The following XRRA1 variants were observed in gnomAD, a reference collection of about 807,000 sequenced individuals.
XRRA1 encodes the protein X-ray radiation resistance associated 1.
A neutral mutation model predicts 80.2 loss-of-function variants in XRRA1; 69 were observed. The observed-to-expected ratio is 0.86, with a 90% CI of 0.71 to 1.05. The LOEUF (loss-of-function observed/expected upper bound fraction) is 1.05, where lower values mean the gene tolerates loss of function less well. Ranked by LOEUF, XRRA1 falls within the 50% of genes least tolerant of loss-of-function variation. The pLI, the probability that XRRA1 is intolerant of heterozygous loss-of-function variation, is 0.00. For synonymous variants in XRRA1, 348 were observed against 389.9 expected (o/e 0.89, Z 1.27); for missense variants, 967 against 976.4 (o/e 0.99, Z 0.13).
rs573557922 is a variant in XRRA1, at chr11:74,887,536, T to TA, written c.1003+18702dup. Among the ~76,000 whole-genome samples the TA allele has an allele frequency of 3.8e-4, 58 of 152,238 alleles. No individual in the cohort carries two copies. The East Asian group carries it at 8.5e-3, about 22-fold the overall frequency. On this transcript the variant is annotated intron_variant, in intron 10 of 18. Transcript: ENST00000684022. ...GTGATTTCTGCATTTCCAACTGAGG[T>TA]ACGGGGTTCATCTCACTGGGGAGTG...
At chr11:74,947,569 G>C (rs1947844116) in intron 1 of XRRA1, among the ~76,000 whole-genome samples, 1 of 151,868 alleles carries the variant, frequency 6.6e-6, no homozygotes. Flanking sequence ...AAAGTGACTA[G>C]GGCAATGCTG....
At chr11:74,892,220 G>C (rs1357064440) in intron 10 of XRRA1, among the ~76,000 whole-genome samples, 1 of 151,950 alleles carries the variant, frequency 6.6e-6, no homozygotes, top group Non-Finnish European at 1.5e-5. Context: ...TAGACCAATG[G>C]AACAGAACAG....
chr11:74,893,000 A>G (rs1463243274), intron 10 of XRRA1, among the ~76,000 whole-genome samples: 3 of 152,346 alleles, frequency 2.0e-5, no homozygotes, highest in African/African-American at 7.2e-5. Flanking sequence ...CAGTGTGGCA[A>G]TTCCTCAGGG....
chr11:74,878,510 T>C (rs1388119977), intron 10 of XRRA1, among the ~76,000 whole-genome samples: 1 of 152,326 alleles, frequency 6.6e-6, no homozygotes, highest in Admixed American at 6.5e-5. Context: ...GCCATTGCTT[T>C]TGGTGTTTTA....
chr11:74,900,087 C>T (rs1408697573), intron 10 of XRRA1, among the ~76,000 whole-genome samples: 1 of 151,642 alleles, frequency 6.6e-6, no homozygotes, highest in Non-Finnish European at 1.5e-5. Context: ...ATCTCTTGAA[C>T]CCAGGAGGCG....
chr11:74,947,772 A>G (rs972607722), intron 1 of XRRA1, among the ~76,000 whole-genome samples: 2 of 151,810 alleles, frequency 1.3e-5, no homozygotes, highest in South Asian at 4.2e-4. Context: ...AGTGATAATT[A>G]TTTTCTTTTC....
intron 10 of XRRA1, among the ~76,000 whole-genome samples, chr11:74,895,062 G>A (rs76691212): frequency 0.058 from 8,826 of 152,172 alleles, 870 homozygotes; most frequent in African/African-American, 0.2. Flanking sequence ...AATTTTAACA[G>A]TTATCTACAC....
At chr11:74,855,083 T>G (rs2040767157) in intron 12 of XRRA1, among the ~76,000 whole-genome samples, 1 of 152,158 alleles carries the variant, frequency 6.6e-6, no homozygotes, top group Non-Finnish European at 1.5e-5. Flanking sequence ...AATACTACCT[T>G]TCTCATTTGT....
chr11:74,900,165 C>CA lies in XRRA1; in HGVS notation c.1003+6073dup, dbSNP rs1191237631. On this transcript the variant is annotated intron_variant, in intron 10 of 18. Coordinates refer to ENST00000684022, the MANE Select transcript of XRRA1 (RefSeq NM_001378157.1). ...GGGCAATAAAAGCGAAACTCTGTCT[C>CA]AAAAAAATCAATAAAATAAATAAAT... 4.6e-5 allele frequency among the ~76,000 whole-genome samples: 7 copies of CA among 151,064 alleles called. No individual in the cohort carries two copies. In the East Asian group the frequency reaches 9.7e-4, roughly 21 times the overall value.
In XRRA1 at chr11:74,948,960, T is replaced by G; in HGVS notation, c.-105A>C. On this transcript the variant is annotated 5_prime_UTR_variant, in exon 1 of 19. Transcript: ENST00000684022. Reference sequence around the variant, plus strand: ...CGGCGTCGCTTCAGCCTCCGAGGGGTCTGCGGAGGCGACGTCCCAGTCAGG... The same window carrying G: ...CGGCGTCGCTTCAGCCTCCGAGGGGGCTGCGGAGGCGACGTCCCAGTCAGG... 1 of 226,698 alleles carries G rather than the reference T, an allele frequency of 4.4e-6. No homozygotes were observed. The highest frequency in any genetic ancestry group is 8.8e-6 in the Non-Finnish European group (1 of 113,032). The allele number at this position is 226,698 out of a possible 1,614,324, so 14.0% of individuals were successfully genotyped here. A position where few individuals can be genotyped will look rare whatever the true frequency, so the allele number is the denominator to read the frequency against.
intron 10 of XRRA1, among the ~76,000 whole-genome samples, chr11:74,866,323 T>G (rs1202948316): frequency 6.6e-6 from 1 of 152,142 alleles, no homozygotes; most frequent in Non-Finnish European, 1.5e-5. Flanking sequence ...ACATGAACAT[T>G]GCTTACTGCA....
chr11:74,886,446 C>A (rs569970748), intron 10 of XRRA1, among the ~76,000 whole-genome samples: 1 of 151,974 alleles, frequency 6.6e-6, no homozygotes, highest in Non-Finnish European at 1.5e-5. Context: ...AAATCAAGAA[C>A]ACAATCCTGT....
chr11:74,927,341 C>G (rs1027401853), intron 7 of XRRA1, 50 bp downstream of exon 7: 3 of 940,126 alleles, frequency 3.2e-6, no homozygotes, highest in Non-Finnish European at 4.8e-6. Flanking sequence ...TATGCTCATT[C>G]CTTACAGGGG....
chr11:74,933,991 A>G (rs1944300638), intron 4 of XRRA1, 119 bp from the exon 5 acceptor site: 2 of 674,742 alleles, frequency 3.0e-6, no homozygotes, highest in African/African-American at 1.8e-5. Context: ...TTGCTTGTTC[A>G]TTCATTCATT....
intron 9 of XRRA1, 84 bp from the exon 10 acceptor site, chr11:74,906,540 T>C: frequency 6.8e-7 from 1 of 1,465,416 alleles, no homozygotes; most frequent in Non-Finnish European, 9.2e-7. Context: ...GGAAAAAACA[T>C]GGAATCAGGC....
At chr11:74,917,902 AG>A (rs1939259554) in intron 8 of XRRA1, among the ~76,000 whole-genome samples, 2 of 152,138 alleles carry the variant, frequency 1.3e-5, no homozygotes, top group Middle Eastern at 6.8e-3. Context: ...TCAGACAAAG[AG>A]GGGTTCATTC....
chr11:74,900,195 T>G (rs1039719692), intron 10 of XRRA1, among the ~76,000 whole-genome samples: 4 of 150,976 alleles, frequency 2.6e-5, no homozygotes, highest in African/African-American at 4.9e-5. Context: ...ATAAATAAAA[T>G]AATAATAATA....
intron 10 of XRRA1, among the ~76,000 whole-genome samples, chr11:74,872,148 C>T (rs1220691274): frequency 5.3e-5 from 8 of 152,170 alleles, no homozygotes; most frequent in Non-Finnish European, 7.4e-5. Context: ...ATTGGAGGGC[C>T]TATAAAGAAC....
intron 10 of XRRA1, among the ~76,000 whole-genome samples, chr11:74,873,386 T>C (rs1465909384): frequency 1.3e-5 from 2 of 152,190 alleles, no homozygotes; most frequent in African/African-American, 2.4e-5. Flanking sequence ...CCCTATACTT[T>C]GCTAACCCAA....
Sources: allele counts gnomAD v4.1 joint callset (sites outside exome capture counted in the v4.1 genomes callset), GRCh38; gene constraint gnomAD v4.1.1; transcripts MANE v1.5; gene names NCBI Gene and HGNC (gene_info 2026-07-23, HGNC 2026-07-21).